PDE3A: variants seen among roughly 807,000 people sequenced by gnomAD.
The protein encoded by PDE3A is phosphodiesterase 3A, also known as cGMP-inhibited 3',5'-cyclic phosphodiesterase 3A.
In PDE3A, 43 loss-of-function variants were observed where a neutral mutation model predicts 98.3. The ratio of observed to expected loss-of-function variants is 0.44; its 90% CI spans 0.34 to 0.56. The LOEUF is 0.56. Ranked by LOEUF, PDE3A falls within the 20% of genes least tolerant of loss-of-function variation. PDE3A has a pLI of 0.01. For missense variants in PDE3A, 1,427 were observed against 1,440.7 expected, an observed-to-expected ratio of 0.99 and a Z score of 0.15; for synonymous variants, 663 against 567.9, an observed-to-expected ratio of 1.17 and a Z score of -2.38.
intron 1 of PDE3A, among the ~76,000 whole-genome samples, chr12:20,512,034 G>A (rs1207026563): frequency 1.3e-5 from 2 of 151,828 alleles, no homozygotes; most frequent in African/African-American, 4.8e-5. Context: ...CAAAAACAAA[G>A]TCAGAAAAAA....
chr12:20,570,405 C>T (rs1348239867), intron 2 of PDE3A, among the ~76,000 whole-genome samples: 1 of 19,018 alleles, frequency 5.3e-5, no homozygotes, highest in East Asian at 1.5e-3. Context: ...GCGACGCTGT[C>T]TCAAAAAAAA....
intron 1 of PDE3A, among the ~76,000 whole-genome samples, chr12:20,467,236 T>C (rs1443256024): frequency 6.6e-6 from 1 of 151,948 alleles, no homozygotes; most frequent in African/African-American, 2.4e-5. Context: ...TTGGTTAAAA[T>C]GATGGATTAT....
chr12:20,553,409 G>A (rs1942271811), intron 1 of PDE3A, among the ~76,000 whole-genome samples: 1 of 117,398 alleles, frequency 8.5e-6, no homozygotes, highest in Non-Finnish European at 1.8e-5. Context: ...CCTTCTCTCG[G>A]GTTCTGGCCC....
chr12:20,375,041 A>T (rs560898357), intron 1 of PDE3A, among the ~76,000 whole-genome samples: 1 of 151,968 alleles, frequency 6.6e-6, no homozygotes, highest in Non-Finnish European at 1.5e-5. Flanking sequence ...TAGCTGCCAT[A>T]TGTCTCCTCT....
At chr12:20,640,153 C>A (rs553901334) in intron 10 of PDE3A, among the ~76,000 whole-genome samples, 196 bp downstream of exon 10, 1 of 152,010 alleles carries the variant, frequency 6.6e-6, no homozygotes, top group Admixed American at 6.6e-5. Context: ...CTGTGTGAGA[C>A]CCTAGGGTTT....
intron 1 of PDE3A, among the ~76,000 whole-genome samples, chr12:20,501,512 C>G (rs905522263): frequency 1.3e-5 from 2 of 152,202 alleles, no homozygotes; most frequent in East Asian, 3.9e-4. Flanking sequence ...TTGTTTGTGC[C>G]AAGTTTTTGG....
At chr12:20,590,794 T>C (rs1324904100) in intron 2 of PDE3A, among the ~76,000 whole-genome samples, 1 of 152,114 alleles carries the variant, frequency 6.6e-6, no homozygotes, top group Non-Finnish European at 1.5e-5. Flanking sequence ...AATTCATGAA[T>C]AAATGTTTCA....
rs11045212 is a variant in PDE3A, at chr12:20,399,342, A to G, written c.960+29098A>G. 7.9e-3 allele frequency among the ~76,000 whole-genome samples: 1,199 copies of G among 152,324 alleles called. 2 individuals carry two copies. The highest frequency in any genetic ancestry group is 0.024 in the Middle Eastern group (7 of 294). ...AGTGGCAATAATGTGAACTTTTTGT[A>G]TAACATCACCAAGTTGACAAAGGAG... is the stretch of plus-strand genomic sequence containing the variant. On this transcript the variant is annotated intron_variant, in intron 1 of 15. Coordinates refer to ENST00000359062, the MANE Select transcript of PDE3A (RefSeq NM_000921.5).
rs1007473275 is a variant in PDE3A at position 20,552,274 on chromosome 12, C to T, written c.961-4386C>T. On this transcript the variant is annotated intron_variant, in intron 1 of 15. Transcript: ENST00000359062. The surrounding 1 kb of genome is among the most constrained non-coding windows in gnomAD (Gnocchi z 5.1). ...GGGTGGCAAGAATAGCAAGTACGCC[C>T]CCGCTGAGGGCAACCGCTACGATGG... The T allele has an allele frequency of 1.2e-6, 2 of 1,613,878 alleles. No individual in the cohort carries two copies. Among genetic ancestry groups the T allele is most frequent in the African/African-American group, 1.3e-5 (1 of 75,002 alleles).
In PDE3A at chr12:20,546,678, A is replaced by C. The variant is rs1592043210; in HGVS notation, c.961-9982A>C. The stretch of plus-strand genomic sequence containing the variant: ...CTCGTCAGAGTAAATGTGGTTCTAA[A>C]AGGCAACCCCTGCTCTCATGCATTT... On this transcript the variant is annotated intron_variant, in intron 1 of 15. Transcript: ENST00000359062. Among the ~76,000 whole-genome samples, 4 of 152,090 alleles carry C rather than the reference A, an allele frequency of 2.6e-5. No homozygotes were observed. The East Asian group carries it at 7.7e-4, about 29-fold the overall frequency.
intron 15 of PDE3A, among the ~76,000 whole-genome samples, chr12:20,667,493 A>C (rs1411887123): frequency 6.6e-6 from 1 of 152,160 alleles, no homozygotes; most frequent in Non-Finnish European, 1.5e-5. Context: ...CTGCATGTGA[A>C]TATCCAATTT....
intron 2 of PDE3A, among the ~76,000 whole-genome samples, chr12:20,586,488 A>T (rs1055200966): frequency 6.6e-6 from 1 of 152,230 alleles, no homozygotes; most frequent in African/African-American, 2.4e-5. Context: ...ATTTAGTCTT[A>T]AAGTGACATA....
chr12:20,632,697 G>A (rs1336478713), intron 6 of PDE3A, among the ~76,000 whole-genome samples: 1 of 151,676 alleles, frequency 6.6e-6, no homozygotes, highest in Non-Finnish European at 1.5e-5. Context: ...GTGGTTTACG[G>A]TACATCTAGG....
chr12:20,650,606 T>G lies in PDE3A; in HGVS notation c.2925+6T>G, dbSNP rs777495464. 1.3e-6 allele frequency: 2 copies of G among 1,594,896 alleles called. No individual in the cohort carries two copies. The highest frequency in any genetic ancestry group is 2.7e-5 in the African/African-American group (2 of 74,626). On this transcript the variant is annotated splice_donor_region_variant and intron_variant, in intron 14 of 15. Coordinates refer to ENST00000359062, the MANE Select transcript of PDE3A (RefSeq NM_000921.5). Reference sequence around the variant, plus strand: ...TCAATGAATTTTATGAACAGGTAACTGACCACTGTTTAATACAGCTTAATC... The same window carrying G: ...TCAATGAATTTTATGAACAGGTAACGGACCACTGTTTAATACAGCTTAATC...
chr12:20,638,054 G>C (rs1336628382), intron 9 of PDE3A, among the ~76,000 whole-genome samples: 1 of 152,104 alleles, frequency 6.6e-6, no homozygotes, highest in Non-Finnish European at 1.5e-5. Flanking sequence ...TCAAACTTGT[G>C]AATATAAGAC....
At chr12:20,382,791 G>GT (rs759809947) in intron 1 of PDE3A, among the ~76,000 whole-genome samples, 24 of 151,944 alleles carry the variant, frequency 1.6e-4, no homozygotes, top group Non-Finnish European at 2.8e-4. Context: ...GTTAAACACT[G>GT]TGCCCAGCTG....
chr12:20,452,106 G>C (rs1490252834), intron 1 of PDE3A, among the ~76,000 whole-genome samples: 1 of 152,160 alleles, frequency 6.6e-6, no homozygotes, highest in East Asian at 1.9e-4. Flanking sequence ...TTCACAAAGG[G>C]AGTACTTAAT....
At chr12:20,419,023 G>A (rs1166717317) in intron 1 of PDE3A, among the ~76,000 whole-genome samples, 4 of 151,968 alleles carry the variant, frequency 2.6e-5, no homozygotes, top group Admixed American at 2.6e-4. Context: ...TAAATTCTTG[G>A]TTGCACTTCT....
chr12:20,443,544 C>A (rs1389645868), intron 1 of PDE3A, among the ~76,000 whole-genome samples: 1 of 152,066 alleles, frequency 6.6e-6, no homozygotes, highest in Non-Finnish European at 1.5e-5. Flanking sequence ...TTTGACTAGT[C>A]ATTTTTTTGA....
Sources: gnomAD v4.1 joint callset for allele counts (sites outside exome capture counted in the v4.1 genomes callset) on GRCh38, gnomAD v4.1.1 for gene constraint, Gnocchi (gnomAD v3.1) non-coding constraint, MANE v1.5 for transcripts, NCBI Gene and HGNC (gene_info 2026-07-23, HGNC 2026-07-21) for gene names.